The following VAT1L variants were observed in gnomAD, a reference collection of about 807,000 sequenced individuals.
The protein encoded by VAT1L is vesicle amine transport 1 like, also known as putative NADPH-dependent quinone oxidoreductase VAT1L.
Under a neutral mutation model 44.1 loss-of-function variants are expected in VAT1L, and 34 were observed. The ratio of observed to expected loss-of-function variants is 0.77; its 90% CI spans 0.59 to 1.03. VAT1L has a LOEUF of 1.03. Ranked by LOEUF, VAT1L falls within the 50% of genes least tolerant of loss-of-function variation. The probability of loss-of-function intolerance (pLI) is 0.00; values close to 1 mark genes in which losing one functional copy is unlikely to be tolerated. For missense variants in VAT1L, 615 were observed against 538.8 expected, an observed-to-expected ratio of 1.14 and a Z score of -1.40; for synonymous variants, 253 against 202.2, an observed-to-expected ratio of 1.25 and a Z score of -2.13.
At chr16:77,818,962 A>C (rs942909129) in intron 2 of VAT1L, among the ~76,000 whole-genome samples, 1 of 152,132 alleles carries the variant, frequency 6.6e-6, no homozygotes, top group Non-Finnish European at 1.5e-5. Context: ...GAGGCCGGGT[A>C]ATAAAGGAAT....
intron 7 of VAT1L, among the ~76,000 whole-genome samples, chr16:77,950,569 C>T (rs1290588678): frequency 6.6e-6 from 1 of 151,978 alleles, no homozygotes; most frequent in Non-Finnish European, 1.5e-5. Flanking sequence ...TATAGATAAG[C>T]AGAATAAGAA....
At chr16:77,972,689 G>A (rs2018293275) in intron 8 of VAT1L, among the ~76,000 whole-genome samples, 1 of 152,114 alleles carries the variant, frequency 6.6e-6, no homozygotes, top group African/African-American at 2.4e-5. Flanking sequence ...GCTGAGGCAG[G>A]AGAATCGCTT....
chr16:77,810,860 G>A (rs557087727), intron 1 of VAT1L, among the ~76,000 whole-genome samples: 2 of 152,266 alleles, frequency 1.3e-5, no homozygotes, highest in South Asian at 4.1e-4. Context: ...AATATATATT[G>A]TAGCAAATTA....
intron 3 of VAT1L, among the ~76,000 whole-genome samples, chr16:77,839,274 G>T (rs1172996952): frequency 6.6e-6 from 1 of 151,914 alleles, no homozygotes; most frequent in Non-Finnish European, 1.5e-5. Flanking sequence ...GATGGCTCAC[G>T]CCTGTAATCC....
chr16:77,901,961 G>A (rs890777663), intron 7 of VAT1L, among the ~76,000 whole-genome samples: 6 of 152,178 alleles, frequency 3.9e-5, no homozygotes, highest in Admixed American at 6.5e-5. Flanking sequence ...AGGCATTTTA[G>A]AGAAGCTATC....
At chr16:77,880,244 C>T (rs1007885898) in intron 6 of VAT1L, among the ~76,000 whole-genome samples, 3 of 152,098 alleles carry the variant, frequency 2.0e-5, no homozygotes, top group Non-Finnish European at 4.4e-5. Flanking sequence ...GCAACCTCCA[C>T]CTCCTGGGCT....
At chr16:77,920,331 A>G (rs894282326) in intron 7 of VAT1L, among the ~76,000 whole-genome samples, 14 of 152,294 alleles carry the variant, frequency 9.2e-5, no homozygotes, top group African/African-American at 2.9e-4. Flanking sequence ...AGGCAGGTCC[A>G]TTTAAAACTG....
At chr16:77,806,158 C>T (rs1433316537) in intron 1 of VAT1L, among the ~76,000 whole-genome samples, 2 of 151,726 alleles carry the variant, frequency 1.3e-5, no homozygotes, top group East Asian at 2.0e-4. Context: ...CCACAGCACC[C>T]AGCCTCTGCC....
intron 7 of VAT1L, among the ~76,000 whole-genome samples, chr16:77,959,535 A>G (rs1435759242): frequency 2.0e-5 from 3 of 152,168 alleles, no homozygotes; most frequent in Non-Finnish European, 4.4e-5. Flanking sequence ...TTAATTTATC[A>G]TCTAACAGGC....
intron 7 of VAT1L, among the ~76,000 whole-genome samples, chr16:77,950,507 GC>G (rs1254388612): frequency 6.6e-6 from 1 of 151,064 alleles, no homozygotes; most frequent in African/African-American, 2.4e-5. Context: ...CTCAGATATA[GC>G]CAAGGTTGTG....
intron 7 of VAT1L, among the ~76,000 whole-genome samples, chr16:77,961,988 G>A (rs2018164839): frequency 6.6e-6 from 1 of 152,168 alleles, no homozygotes; most frequent in Non-Finnish European, 1.5e-5. Context: ...TGACTAGTGT[G>A]TCTAGAGTAT....
chr16:77,836,741 C>T (rs1170133630), intron 3 of VAT1L, among the ~76,000 whole-genome samples: 1 of 152,194 alleles, frequency 6.6e-6, no homozygotes, highest in Non-Finnish European at 1.5e-5. Context: ...GCTGAAAAAG[C>T]ATCACTCATT....
At chr16:77,905,404 C>G (rs1279065056) in intron 7 of VAT1L, among the ~76,000 whole-genome samples, 1 of 152,096 alleles carries the variant, frequency 6.6e-6, no homozygotes, top group Non-Finnish European at 1.5e-5. Context: ...ACTTTTTACA[C>G]TTAAAAATTT....
At chr16:77,864,503 G>A (rs2016949778) in intron 4 of VAT1L, among the ~76,000 whole-genome samples, 1 of 152,188 alleles carries the variant, frequency 6.6e-6, no homozygotes, top group South Asian at 2.1e-4. Flanking sequence ...CTACTCAGAA[G>A]GCTGAGGTGG....
chr16:77,879,233 C>G lies in VAT1L; in HGVS notation c.882+9C>G, dbSNP rs201043420. 11 of 1,613,346 alleles carry G rather than the reference C, an allele frequency of 6.8e-6. No homozygotes were observed. Among genetic ancestry groups the G allele is most frequent in the Non-Finnish European group, 9.3e-6 (11 of 1,179,302 alleles). On this transcript the variant is annotated intron_variant, in intron 6 of 8. Transcript: ENST00000302536. This position sits in a 1 kb window ranked among gnomAD's most constrained non-coding sequence, Gnocchi z 4.1. ...TCAGCTTTGCAAAATCAGTAAGTATCCAGGCACATCTGATGTACTGTGGTG... is the reference window on the plus strand; with the variant it reads ...TCAGCTTTGCAAAATCAGTAAGTATGCAGGCACATCTGATGTACTGTGGTG...
At chr16:77,901,409 C>T (rs113496176) in intron 7 of VAT1L, among the ~76,000 whole-genome samples, 8,731 of 151,976 alleles carry the variant, frequency 0.057, 880 homozygotes, top group African/African-American at 0.2. Flanking sequence ...TGTGATCCGC[C>T]CGCCTCCGCC....
At chr16:77,937,288 G>T (rs927930962) in intron 7 of VAT1L, among the ~76,000 whole-genome samples, 2 of 152,176 alleles carry the variant, frequency 1.3e-5, no homozygotes, top group African/African-American at 4.8e-5. Context: ...AATGAAGTGA[G>T]GGAAAAGATG....
At chr16:77,909,488 G>C (rs1213851478) in intron 7 of VAT1L, among the ~76,000 whole-genome samples, 1 of 151,696 alleles carries the variant, frequency 6.6e-6, no homozygotes, top group African/African-American at 2.4e-5. Flanking sequence ...AATACAAAAA[G>C]TAGCCAGGCG....
chr16:77,952,657 G>A (rs1457095093), intron 7 of VAT1L, among the ~76,000 whole-genome samples: 1 of 151,958 alleles, frequency 6.6e-6, no homozygotes, highest in Non-Finnish European at 1.5e-5. Context: ...AGGAGTTTGA[G>A]ACCAGCCTGG....
Sources: gnomAD v4.1 joint callset for allele counts (sites outside exome capture counted in the v4.1 genomes callset) on GRCh38, gnomAD v4.1.1 for gene constraint, Gnocchi (gnomAD v3.1) non-coding constraint, MANE v1.5 for transcripts, NCBI Gene and HGNC (gene_info 2026-07-23, HGNC 2026-07-21) for gene names.